DLC1: variants seen among roughly 807,000 people sequenced by gnomAD.
The protein encoded by DLC1 is DLC1 Rho GTPase activating protein, also known as rho GTPase-activating protein 7.
In DLC1, 54 loss-of-function variants were observed where a neutral mutation model predicts 140.3. The ratio of observed to expected loss-of-function variants is 0.38; its 90% CI spans 0.31 to 0.48. The LOEUF (loss-of-function observed/expected upper bound fraction) is 0.48, where lower values mean the gene tolerates loss of function less well. Ranked by LOEUF, DLC1 falls within the 20% of genes least tolerant of loss-of-function variation. The probability of loss-of-function intolerance (pLI) is 0.96; values close to 1 mark genes in which losing one functional copy is unlikely to be tolerated. For missense variants in DLC1, 2,536 were observed against 1,907.0 expected, an observed-to-expected ratio of 1.33 and a Z score of -6.14; for synonymous variants, 986 against 728.1, an observed-to-expected ratio of 1.35 and a Z score of -5.70.
chr8:13,568,229 C>A, intron 1 of DLC1: 1 of 297,394 alleles, frequency 3.4e-6, no homozygotes, highest in Non-Finnish European at 6.6e-6. Context: ...AAAGTAATAA[C>A]TGTCTTTGGC....
At chr8:13,189,548 T>A (rs1179190415) in intron 5 of DLC1, among the ~76,000 whole-genome samples, 1 of 151,860 alleles carries the variant, frequency 6.6e-6, no homozygotes, top group Non-Finnish European at 1.5e-5. Context: ...AGTAAAAATG[T>A]ATTCAGATCC....
chr8:13,336,093 C>G (rs913104343), intron 4 of DLC1, among the ~76,000 whole-genome samples: 1 of 152,226 alleles, frequency 6.6e-6, no homozygotes, highest in South Asian at 2.1e-4. Context: ...TCTAAAGGCT[C>G]ATCTTTCTTT....
intron 2 of DLC1, among the ~76,000 whole-genome samples, chr8:13,405,494 G>A (rs1837485355): frequency 1.3e-5 from 2 of 152,192 alleles, no homozygotes. Flanking sequence ...CCAGTGCCTT[G>A]ATTTTACAGA....
chr8:13,373,420 A>C (rs2117126287), intron 4 of DLC1, among the ~76,000 whole-genome samples: 1 of 152,214 alleles, frequency 6.6e-6, no homozygotes, highest in South Asian at 2.1e-4. Context: ...GTACAGGACA[A>C]AGTTGTCCTT....
At chr8:13,088,017 C>T (rs1021368126) in intron 16 of DLC1, among the ~76,000 whole-genome samples, 2 of 152,196 alleles carry the variant, frequency 1.3e-5, no homozygotes, top group African/African-American at 2.4e-5. Flanking sequence ...GAACACACTG[C>T]TAGAATAAAT....
At chr8:13,413,255 G>GTTTTT (rs1461897724) in intron 2 of DLC1, among the ~76,000 whole-genome samples, 6 of 30,140 alleles carry the variant, frequency 2.0e-4, no homozygotes, top group Non-Finnish European at 2.6e-4. Context: ...ATTTTTTTGC[G>GTTTTT]ATTTTTTTTT....
chr8:13,453,394 ATATATATGTG>A (rs753154618), intron 2 of DLC1, among the ~76,000 whole-genome samples: 23,406 of 80,572 alleles, frequency 0.29, 4,799 homozygotes, highest in Middle Eastern at 0.36. Context: ...CAGGATATAT[ATATATATGTG>A]TATATATATA....
intron 5 of DLC1, among the ~76,000 whole-genome samples, chr8:13,195,190 A>T (rs1449305180): frequency 6.6e-6 from 1 of 152,220 alleles, no homozygotes; most frequent in Non-Finnish European, 1.5e-5. Context: ...TAGAATCTCA[A>T]AGCCTTTGGG....
At chr8:13,143,181 T>C (rs1416193838) in intron 5 of DLC1, among the ~76,000 whole-genome samples, 2 of 152,152 alleles carry the variant, frequency 1.3e-5, no homozygotes, top group African/African-American at 4.8e-5. Context: ...TTTTCAAAGC[T>C]ACTGATATTA....
intron 5 of DLC1, among the ~76,000 whole-genome samples, chr8:13,164,071 C>T (rs545355845): frequency 5.7e-4 from 86 of 151,940 alleles, no homozygotes; most frequent in Admixed American, 1.2e-3. Context: ...CCGAGGCGGG[C>T]GGATCACCTG....
At chr8:13,588,898 G>A (rs1805422649) in intron 1 of DLC1, among the ~76,000 whole-genome samples, 2 of 152,062 alleles carry the variant, frequency 1.3e-5, no homozygotes, top group South Asian at 4.1e-4. Context: ...AGTGAGGAGG[G>A]AGAAGGTCAC....
chr8:13,392,833 A>AGTT (rs3065556), intron 4 of DLC1, among the ~76,000 whole-genome samples: 129,114 of 151,768 alleles, frequency 0.85, 55,043 homozygotes, highest in East Asian at 0.98. Flanking sequence ...ATGTGGAATA[A>AGTT]GTTTTAATAG....
chr8:13,293,918 G>A (rs529785753), intron 5 of DLC1, among the ~76,000 whole-genome samples: 1 of 152,254 alleles, frequency 6.6e-6, no homozygotes, highest in East Asian at 1.9e-4. Flanking sequence ...AATACCAACG[G>A]AATTAGAAAA....
chr8:13,418,196 T>C (rs1343484259), intron 2 of DLC1, among the ~76,000 whole-genome samples: 2 of 152,196 alleles, frequency 1.3e-5, no homozygotes, highest in Non-Finnish European at 2.9e-5. Context: ...TTTCTTTTGC[T>C]GTGCAGAAGC....
intron 1 of DLC1, among the ~76,000 whole-genome samples, chr8:13,521,433 ATGGTTGG>A (rs1802763945): frequency 6.6e-6 from 1 of 151,728 alleles, no homozygotes; most frequent in Admixed American, 6.6e-5. Flanking sequence ...TTCCCTTGCC[ATGGTTGG>A]CTTAGAGCCC....
intron 4 of DLC1, among the ~76,000 whole-genome samples, chr8:13,360,197 T>G (rs574918929): frequency 7.2e-5 from 11 of 152,180 alleles, no homozygotes; most frequent in Non-Finnish European, 1.3e-4. Context: ...CTGGTTGTAC[T>G]ATTTTGAGAA....
chr8:13,086,495 G>A (rs767408825), intron 16 of DLC1, 32 bp from the exon 17 acceptor site: 4 of 1,601,286 alleles, frequency 2.5e-6, no homozygotes, highest in Non-Finnish European at 3.4e-6. Context: ...CAGAAATGAT[G>A]GAATTTCATA....
chr8:13,252,699 C>T (rs762663475), intron 5 of DLC1, among the ~76,000 whole-genome samples: 13 of 152,244 alleles, frequency 8.5e-5, no homozygotes, highest in Middle Eastern at 3.4e-3. Context: ...GGATATCTCT[C>T]TTGCTTGCTT....
chr8:13,133,138 C>T, intron 5 of DLC1: 1 of 1,451,938 alleles, frequency 6.9e-7, no homozygotes, highest in Non-Finnish European at 9.1e-7. Flanking sequence ...GTCACGGCCC[C>T]AGAAAGAAAG....
Sources: allele counts gnomAD v4.1 joint callset (sites outside exome capture counted in the v4.1 genomes callset), GRCh38; gene constraint gnomAD v4.1.1; transcripts MANE v1.5; gene names NCBI Gene and HGNC (gene_info 2026-07-23, HGNC 2026-07-21).